Variants in ABL1 observed in about 807,000 individuals in gnomAD.
The protein encoded by ABL1 is tyrosine-protein kinase ABL1.
A neutral mutation model predicts 94.7 loss-of-function variants in ABL1; 11 were observed. The observed-to-expected ratio is 0.12, with a 90% CI of 0.07 to 0.19. The LOEUF (loss-of-function observed/expected upper bound fraction) is 0.19. ABL1 is among the 10% of genes least tolerant of loss of function. The probability of loss-of-function intolerance (pLI) is 1.00; values close to 1 mark genes in which losing one functional copy is unlikely to be tolerated. For synonymous variants in ABL1, 656 were observed against 622.4 expected, an observed-to-expected ratio of 1.05 and a Z score of -0.80; for missense variants, 1,082 against 1,489.4, an observed-to-expected ratio of 0.73 and a Z score of 4.50.
chr9:130,870,471 T>C (rs1831233828), intron 4 of ABL1, among the ~76,000 whole-genome samples: 2 of 152,224 alleles, frequency 1.3e-5, no homozygotes, highest in Non-Finnish European at 2.9e-5. Flanking sequence ...TTAACCATAT[T>C]GTTGATCAAG....
At chr9:130,852,345 G>A (rs939306723) in intron 1 of ABL1, among the ~76,000 whole-genome samples, 1 of 152,068 alleles carries the variant, frequency 6.6e-6, no homozygotes, top group Non-Finnish European at 1.5e-5. Flanking sequence ...TGGAACTACA[G>A]GCGCCCGCCA....
chr9:130,765,442 T>C (rs1365450561), intron 1 of ABL1, among the ~76,000 whole-genome samples: 2 of 152,230 alleles, frequency 1.3e-5, no homozygotes, highest in African/African-American at 2.4e-5. Context: ...AATGCTTCTA[T>C]TGTTTGTAGT....
At chr9:130,732,994 G>A (rs1465539246) in intron 1 of ABL1, among the ~76,000 whole-genome samples, 1 of 152,152 alleles carries the variant, frequency 6.6e-6, no homozygotes, top group Non-Finnish European at 1.5e-5. Flanking sequence ...TAGAAAACAG[G>A]AAATAGAATT....
In ABL1 at chr9:130,796,807, C is replaced by A. The variant is rs186273434; in HGVS notation, c.137-57257C>A. 1.8e-3 allele frequency among the ~76,000 whole-genome samples: 264 copies of A among 150,816 alleles called. 2 individuals are homozygous for A. The highest frequency in any genetic ancestry group is 6.1e-3 in the African/African-American group (252 of 41,030). ...AAACTTTTTTTGCCTGTAATCCCAG[C>A]TACTCAGGAGGCTGCGGCAGGAGAA... On this transcript the variant is annotated intron_variant, in intron 1 of 10. Transcript: ENST00000372348.
chr9:130,821,285 T>C (rs1315492848), intron 1 of ABL1, among the ~76,000 whole-genome samples: 2 of 152,140 alleles, frequency 1.3e-5, no homozygotes, highest in African/African-American at 4.8e-5. Context: ...TTTTGTCCCT[T>C]TGCAGCAGTC....
intron 3 of ABL1, 89 bp downstream of exon 3, chr9:130,855,185 G>A: frequency 1.4e-6 from 2 of 1,412,710 alleles, no homozygotes; most frequent in South Asian, 1.4e-5. Context: ...TTGCAAGAAA[G>A]CTCAACCAAG....
At chr9:130,867,579 T>A (rs1831176225) in intron 4 of ABL1, among the ~76,000 whole-genome samples, 1 of 152,102 alleles carries the variant, frequency 6.6e-6, no homozygotes, top group African/African-American at 2.4e-5. Flanking sequence ...TCCCCAGTGG[T>A]GTTGAGAGAG....
rs889366738 is a variant in ABL1 at position 130,724,733 on chromosome 9, C to T, written c.136+10278C>T. ...CTGCACTCCAGCCTGGGCGACAGAG[C>T]GAAACCCTGTCTTTAAAAAAAAAAA... is the stretch of plus-strand genomic sequence containing the variant. On this transcript the variant is annotated intron_variant, in intron 1 of 10. Coordinates refer to the ABL1 transcript ENST00000372348. 97 of 401,384 alleles carry T rather than the reference C, an allele frequency of 2.4e-4. 1 individual carries two copies. The highest frequency in any genetic ancestry group is 7.6e-4 in the African/African-American group (28 of 37,038). The allele number at this position is 401,384 out of a possible 1,614,324, so 24.9% of individuals were successfully genotyped here. A position where few individuals can be genotyped will look rare whatever the true frequency, so the allele number is the denominator to read the frequency against.
intron 1 of ABL1, among the ~76,000 whole-genome samples, chr9:130,785,928 TAAAAAAA>T (rs34333699): frequency 4.2e-4 from 24 of 56,690 alleles, no homozygotes; most frequent in African/African-American, 1.2e-3. Context: ...GTCTCAAAAC[TAAAAAAA>T]AAAAAAAAAA....
intron 1 of ABL1, among the ~76,000 whole-genome samples, chr9:130,826,272 C>T (rs1830423007): frequency 2.6e-5 from 4 of 151,994 alleles, no homozygotes; most frequent in African/African-American, 4.8e-5. Context: ...AGGCACACAC[C>T]ACCACGCCCA....
At chr9:130,718,163 C>G (rs1295091085) in intron 1 of ABL1, among the ~76,000 whole-genome samples, 1 of 149,042 alleles carries the variant, frequency 6.7e-6, no homozygotes, top group Non-Finnish European at 1.5e-5. Context: ...ACTAAAAATA[C>G]AAAAATTAGA....
At position 130,880,712 on chromosome 9, in the gene ABL1, A is replaced by C; in HGVS notation, c.1678+48A>C. The C allele has an allele frequency of 1.3e-6, 2 of 1,599,630 alleles. No individual in the cohort carries two copies. Among genetic ancestry groups the C allele is most frequent in the Non-Finnish European group, 8.5e-7 (1 of 1,173,468 alleles). Reference sequence around the variant, plus strand: ...CCCCACTGCTCTTCCCTTCCCTGCCAGAGGCTACATTCAGGCCATCATAGG... The same window carrying C: ...CCCCACTGCTCTTCCCTTCCCTGCCCGAGGCTACATTCAGGCCATCATAGG... On this transcript the variant is annotated intron_variant, in intron 10 of 10. Transcript: ENST00000318560. This position sits in a 1 kb window ranked among gnomAD's most constrained non-coding sequence, Gnocchi z 4.4.
At chr9:130,845,271 TAGCC>T (rs1830746204) in intron 1 of ABL1, among the ~76,000 whole-genome samples, 1 of 152,170 alleles carries the variant, frequency 6.6e-6, no homozygotes, top group Non-Finnish European at 1.5e-5. Flanking sequence ...GACAATGTCT[TAGCC>T]AGACAATTTT....
At chr9:130,718,234 C>A (rs1233352982) in intron 1 of ABL1, among the ~76,000 whole-genome samples, 1 of 147,400 alleles carries the variant, frequency 6.8e-6, no homozygotes, top group Non-Finnish European at 1.5e-5. Context: ...AGGAGAATAT[C>A]TTGAGCCCCG....
chr9:130,735,057 C>T (rs1831717156), intron 1 of ABL1, among the ~76,000 whole-genome samples: 2 of 151,132 alleles, frequency 1.3e-5, no homozygotes, highest in Non-Finnish European at 2.9e-5. Context: ...TGAGATACAA[C>T]CTTGCTCTGT....
chr9:130,797,550 T>C (rs2132822264), intron 1 of ABL1, among the ~76,000 whole-genome samples: 1 of 152,218 alleles, frequency 6.6e-6, no homozygotes, highest in African/African-American at 2.4e-5. Context: ...AATTTTCATA[T>C]TTTTAGTAGA....
At chr9:130,723,287 T>TAA in intron 1 of ABL1, among the ~76,000 whole-genome samples, 1 of 152,212 alleles carries the variant, frequency 6.6e-6, no homozygotes. Context: ...CTCACACCTG[T>TAA]AATCCCAGCA....
chr9:130,883,268 C>T (rs1018136978), intron 10 of ABL1, among the ~76,000 whole-genome samples: 2 of 152,152 alleles, frequency 1.3e-5, no homozygotes, highest in Admixed American at 6.5e-5. Context: ...GAGGCCAAGG[C>T]GGGTGGATCA....
chr9:130,765,351 G>T (rs1408358507), intron 1 of ABL1, among the ~76,000 whole-genome samples: 1 of 152,176 alleles, frequency 6.6e-6, no homozygotes, highest in African/African-American at 2.4e-5. Flanking sequence ...TTCAAAACGT[G>T]TAGCTAGCAG....
Sources: gnomAD v4.1 joint callset for allele counts (sites outside exome capture counted in the v4.1 genomes callset) on GRCh38, gnomAD v4.1.1 for gene constraint, Gnocchi (gnomAD v3.1) non-coding constraint, MANE v1.5 for transcripts, NCBI Gene and HGNC (gene_info 2026-07-23, HGNC 2026-07-21) for gene names.